MOB3A: variants seen among roughly 807,000 people sequenced by gnomAD.
MOB3A encodes MOB LAK.
Under a neutral mutation model 17.8 loss-of-function variants are expected in MOB3A, and 17 were observed. That is an observed-to-expected ratio of 0.95 (90% CI 0.65 to 1.43). The LOEUF (loss-of-function observed/expected upper bound fraction) is 1.43, where lower values mean the gene tolerates loss of function less well. MOB3A is among the 40% of genes most tolerant of loss of function. The pLI, the probability that MOB3A is intolerant of heterozygous loss-of-function variation, is 0.00. For missense variants in MOB3A, 333 were observed against 310.8 expected (o/e 1.07, Z -0.54); for synonymous variants, 124 against 133.2 (o/e 0.93, Z 0.48).
intron 4 of MOB3A, among the ~76,000 whole-genome samples, chr19:2,074,263 C>CA (rs2017375947): frequency 2.0e-5 from 3 of 150,312 alleles, no homozygotes; most frequent in South Asian, 4.2e-4. Flanking sequence ...AACAAACAAA[C>CA]AAAAAAACCC....
At chr19:2,077,159 G>A in intron 3 of MOB3A, 146 bp from the exon 4 acceptor site, 1 of 670,934 alleles carries the variant, frequency 1.5e-6, no homozygotes, top group East Asian at 2.8e-5. Context: ...CCAGCACTTT[G>A]GGAGGCCGAG....
intron 2 of MOB3A, among the ~76,000 whole-genome samples, chr19:2,080,234 C>G (rs916307269): frequency 1.3e-5 from 2 of 152,100 alleles, no homozygotes; most frequent in African/African-American, 4.8e-5. Context: ...GGGGTCCTCA[C>G]CACAGCATGA....
intron 1 of MOB3A, among the ~76,000 whole-genome samples, chr19:2,091,540 C>A (rs1200816364): frequency 1.3e-5 from 2 of 151,742 alleles, no homozygotes; most frequent in African/African-American, 2.4e-5. Flanking sequence ...CCCGCCACTA[C>A]GCCCAGCTAA....
rs140161770 is a variant in MOB3A at position 2,078,293 on chromosome 19, C to T, written c.268G>A (p.Val90Ile). ...TCATACTTGGGGCCCCCCGACATGACGGGGCAGGACTGCTCCGTGCAGCCG... is the reference window on the plus strand; with the variant it reads ...TCATACTTGGGGCCCCCCGACATGATGGGGCAGGACTGCTCCGTGCAGCCG... ...SDGCTEQSCP[V>I]MSGGPKYEYR... Residue 90 changes from valine (V) to isoleucine (I), a missense_variant, in exon 3 of 5, where the codon GTC becomes ATC. Transcript: ENST00000357066. The T allele has an allele frequency of 7.5e-5, 121 of 1,613,998 alleles. No individual in the cohort carries two copies. Among genetic ancestry groups the T allele is most frequent in the Middle Eastern group, 1.6e-4 (1 of 6,084 alleles).
In MOB3A at chr19:2,076,303, G is replaced by A. The variant is rs1302210100; in HGVS notation, c.624+508C>T. Among the ~76,000 whole-genome samples, 7 of 151,934 alleles carry A rather than the reference G, an allele frequency of 4.6e-5. No individual in the cohort carries two copies. The South Asian group carries it at 8.3e-4, about 18-fold the overall frequency. Reference sequence around the variant, plus strand: ...AAAAATTAGCTGGACGTGGTGGCGCGTGCCTGTAATCCCAGCTACTTGGGA... The same window carrying A: ...AAAAATTAGCTGGACGTGGTGGCGCATGCCTGTAATCCCAGCTACTTGGGA... On this transcript the variant is annotated intron_variant, in intron 4 of 4. Coordinates refer to ENST00000357066, the MANE Select transcript of MOB3A (RefSeq NM_130807.3).
chr19:2,089,719 G>A (rs984996183), intron 1 of MOB3A, among the ~76,000 whole-genome samples: 3 of 152,156 alleles, frequency 2.0e-5, no homozygotes, highest in Non-Finnish European at 2.9e-5. Flanking sequence ...TACACCGTCT[G>A]CCATATTGGG....
rs75333342 is a variant in MOB3A at position 2,072,887 on chromosome 19, T to C, written c.*508A>G. Reference sequence around the variant, plus strand: ...CGGAGTAAAGGCCTGCGGGAGGAGATGTCCGCTCTCAGGGGCTCGGAAGCC... The same window carrying C: ...CGGAGTAAAGGCCTGCGGGAGGAGACGTCCGCTCTCAGGGGCTCGGAAGCC... On this transcript the variant is annotated 3_prime_UTR_variant, in exon 5 of 5. Coordinates refer to ENST00000357066, the MANE Select transcript of MOB3A (RefSeq NM_130807.3). The C allele has an allele frequency of 0.026, 4,125 of 157,262 alleles. 144 individuals carry two copies. Among genetic ancestry groups the C allele is most frequent in the African/African-American group, 0.078 (3,248 of 41,580 alleles). 9.7% of individuals were successfully genotyped at this position (157,262 alleles called of 1,614,324 possible). A position where few individuals can be genotyped will look rare whatever the true frequency, so the allele number is the denominator to read the frequency against.
intron 3 of MOB3A, among the ~76,000 whole-genome samples, chr19:2,077,401 CA>C (rs972118505): frequency 5.8e-4 from 78 of 134,682 alleles, no homozygotes; most frequent in Admixed American, 5.3e-4. Context: ...GACACTGTCT[CA>C]AAAAAAAAAA....
intron 4 of MOB3A, among the ~76,000 whole-genome samples, chr19:2,075,719 AC>A (rs1424218869): frequency 3.9e-5 from 6 of 151,954 alleles, no homozygotes; most frequent in Non-Finnish European, 7.4e-5. Context: ...AGGGATGTGG[AC>A]CCCACACCGA....
chr19:2,073,967 G>A (rs1471090937), intron 4 of MOB3A, among the ~76,000 whole-genome samples: 2 of 152,000 alleles, frequency 1.3e-5, no homozygotes, highest in Admixed American at 1.3e-4. Flanking sequence ...GGAGACAGAG[G>A]TTACCGTGAG....
At position 2,093,923 on chromosome 19, in the gene MOB3A, A is replaced by C. The variant is rs1386889251; in HGVS notation, c.-274+2303T>G. Among the ~76,000 whole-genome samples the C allele has an allele frequency of 6.6e-6, 1 of 152,076 alleles. No individual in the cohort carries two copies. The highest frequency in any genetic ancestry group is 2.4e-5 in the African/African-American group (1 of 41,392). On this transcript the variant is annotated intron_variant, in intron 1 of 4. Transcript: ENST00000357066. This position sits in a 1 kb window ranked among gnomAD's most constrained non-coding sequence, Gnocchi z 4.6. The stretch of plus-strand genomic sequence containing the variant: ...GGTAGATCTCAGTGAGTTCTAATAA[A>C]CAGGTCCCTGACAACTGCGGTTAAG...
chr19:2,085,485 G>A (rs1421702468), intron 1 of MOB3A, 157 bp from the exon 2 acceptor site: 5 of 150,860 alleles, frequency 3.3e-5, no homozygotes, highest in East Asian at 3.9e-4. Flanking sequence ...ACTTCCTTCC[G>A]GAGGTTTCCA....
intron 2 of MOB3A, among the ~76,000 whole-genome samples, chr19:2,083,544 C>T (rs1311104193): frequency 2.6e-5 from 4 of 152,254 alleles, no homozygotes; most frequent in Middle Eastern, 3.2e-3. Flanking sequence ...CCCCACATGC[C>T]TGTCTAGATG....
Position 2,073,329 on chromosome 19 carries a change from G to C in MOB3A, c.*66C>G. 6.3e-7 allele frequency: 1 copy of C among 1,589,378 alleles called. No homozygotes were observed. Among genetic ancestry groups the C allele is most frequent in the Non-Finnish European group, 8.6e-7 (1 of 1,161,006 alleles). The stretch of plus-strand genomic sequence containing the variant: ...GGAGAGAAGCGGGATGATGGTTCCA[G>C]AGCGTCCTCCTCCAAGTCTCCGAGG... On this transcript the variant is annotated 3_prime_UTR_variant, in exon 5 of 5. Coordinates refer to ENST00000357066, the MANE Select transcript of MOB3A (RefSeq NM_130807.3).
At chr19:2,080,100 G>C (rs547670508) in intron 2 of MOB3A, among the ~76,000 whole-genome samples, 50 of 152,316 alleles carry the variant, frequency 3.3e-4, no homozygotes, top group Admixed American at 9.1e-4. Flanking sequence ...CCAGGACGCC[G>C]GCACCGTGGC....
chr19:2,092,274 T>C (rs933048547), intron 1 of MOB3A, among the ~76,000 whole-genome samples: 2 of 151,748 alleles, frequency 1.3e-5, no homozygotes, highest in Admixed American at 1.3e-4. Flanking sequence ...CTAACTTTTG[T>C]ATTTTTGGTA....
rs150792239 is a variant in MOB3A, at chr19:2,090,479, G to C, written c.-273-5151C>G. Among the ~76,000 whole-genome samples, 260 of 152,108 alleles carry C rather than the reference G, an allele frequency of 1.7e-3. 2 individuals are homozygous for C. The highest frequency in any genetic ancestry group is 7.9e-3 in the South Asian group (38 of 4,810). Reference sequence around the variant, plus strand: ...AGGTTTTGGGGGAACTCCTGGCATGGAGTGGGTGGAGGCCAGGAACGCTAC... The same window carrying C: ...AGGTTTTGGGGGAACTCCTGGCATGCAGTGGGTGGAGGCCAGGAACGCTAC... On this transcript the variant is annotated intron_variant, in intron 1 of 4. Transcript: ENST00000357066.
At chr19:2,076,167 G>T (rs878960963) in intron 4 of MOB3A, among the ~76,000 whole-genome samples, 6 of 136,896 alleles carry the variant, frequency 4.4e-5, no homozygotes, top group African/African-American at 8.2e-5. Flanking sequence ...AGTGGCTCCC[G>T]CCTGTAATCC....
rs776336838 is a variant in MOB3A at position 2,073,229 on chromosome 19, G to A, written c.*166C>T. The A allele has an allele frequency of 3.2e-5, 24 of 753,778 alleles. No homozygotes were observed. The highest frequency in any genetic ancestry group is 4.3e-5 in the Non-Finnish European group (19 of 445,960). The allele number at this position is 753,778 out of a possible 1,614,324, so 46.7% of individuals were successfully genotyped here. On this transcript the variant is annotated 3_prime_UTR_variant, in exon 5 of 5. Coordinates refer to ENST00000357066, the MANE Select transcript of MOB3A (RefSeq NM_130807.3). ...CTCGAGACTGAGGAAGGCATCTGCC[G>A]TCCGGGGTTGGAGCTCCTGAGGACC...
Sources: gnomAD v4.1 joint callset for allele counts (sites outside exome capture counted in the v4.1 genomes callset) on GRCh38, gnomAD v4.1.1 for gene constraint, Gnocchi (gnomAD v3.1) non-coding constraint, MANE v1.5 for transcripts, NCBI Gene and HGNC (gene_info 2026-07-23, HGNC 2026-07-21) for gene names.